Variants in GTF3C2 observed in about 807,000 individuals in gnomAD.
GTF3C2 encodes general transcription factor 3C polypeptide 2.
GTF3C2 carries 17 observed loss-of-function variants against 117.4 expected under a neutral mutation model. The observed-to-expected ratio is 0.14, with a 90% confidence interval of 0.10 to 0.22. GTF3C2 has a LOEUF of 0.22. Among genes scored for constraint, GTF3C2 ranks in the 10% least tolerant of loss-of-function variants. The pLI is 1.00. For synonymous variants in GTF3C2, 437 were observed against 427.0 expected (o/e 1.02, Z -0.29); for missense variants, 888 against 1,143.6 (o/e 0.78, Z 3.22).
Position 27,335,715 on chromosome 2 carries a change from TA to T in GTF3C2, c.1468-10del, listed in dbSNP as rs1343728555. The T allele has an allele frequency of 7.8e-6, 12 of 1,531,204 alleles. No individual in the cohort carries two copies. Among genetic ancestry groups the T allele is most frequent in the African/African-American group, 1.4e-5 (1 of 72,760 alleles). 94.9% of individuals were successfully genotyped at this position (1,531,204 alleles called of 1,614,324 possible). On this transcript the variant is annotated splice_polypyrimidine_tract_variant and intron_variant, in intron 9 of 18. Coordinates refer to ENST00000264720, the Ensembl canonical transcript of GTF3C2. ...CGGGGCAGGAGAGGAGCCTAAAGGG[TA>T]AAAGGTATGCTGAGGCTTGCTGCCT...
intron 4 of GTF3C2, chr2:27,340,251 CT>C (rs1680675702): frequency 6.6e-6 from 1 of 152,062 alleles, no homozygotes; most frequent in Non-Finnish European, 1.5e-5. Context: ...TTACATATCT[CT>C]TCTTTTTTTA....
intron 1 of GTF3C2, among the ~76,000 whole-genome samples, chr2:27,355,202 A>G (rs990286360): frequency 1.3e-5 from 2 of 152,210 alleles, no homozygotes; most frequent in Admixed American, 6.5e-5. Context: ...TTGGACATCC[A>G]TATGACTTTT....
At chr2:27,354,728 T>A (rs1681269947) in intron 1 of GTF3C2, among the ~76,000 whole-genome samples, 1 of 152,216 alleles carries the variant, frequency 6.6e-6, no homozygotes, top group Admixed American at 6.5e-5. Context: ...GCCACTGCAC[T>A]CCAGCCTGAG....
chr2:27,336,250 C>T, exon 8 of GTF3C2: 1 of 1,614,096 alleles, frequency 6.2e-7, no homozygotes, highest in African/African-American at 1.3e-5. Context: ...AGCCCAGGAC[C>T]CGAATGAAGC....
exon 19 of GTF3C2, chr2:27,326,730 G>C (rs1327319274): frequency 2.5e-6 from 4 of 1,614,104 alleles, no homozygotes; most frequent in Admixed American, 1.7e-5. Flanking sequence ...CCGTCTAGTG[G>C]GGGAGGATGG....
At chr2:27,328,625 TCATA>T in intron 15 of GTF3C2, 29 bp from the exon 16 acceptor site, 1 of 1,587,410 alleles carries the variant, frequency 6.3e-7, no homozygotes, top group Non-Finnish European at 8.6e-7. Flanking sequence ...TTTCATTCAT[TCATA>T]TATTCATTCA....
intron 1 of GTF3C2, among the ~76,000 whole-genome samples, chr2:27,351,307 A>C (rs1324444085): frequency 1.3e-5 from 2 of 151,368 alleles, no homozygotes; most frequent in Non-Finnish European, 3.0e-5. Flanking sequence ...CCAGCTACTC[A>C]GGAGGCTGAG....
chr2:27,326,957 C>T, intron 18 of GTF3C2, 64 bp from the exon 19 acceptor site: 1 of 1,015,014 alleles, frequency 9.9e-7, no homozygotes, highest in Non-Finnish European at 1.4e-6. Flanking sequence ...TGACTCCTAG[C>T]TGTATGAACA....
exon 19 of GTF3C2, chr2:27,326,589 G>T: frequency 6.1e-6 from 6 of 983,100 alleles, no homozygotes. Flanking sequence ...CACTGTCCAG[G>T]GAAGGCCCCC....
exon 19 of GTF3C2, chr2:27,326,837 T>A: frequency 1.2e-6 from 2 of 1,614,012 alleles, no homozygotes; most frequent in South Asian, 2.2e-5. Flanking sequence ...GAACCAGCCC[T>A]GACTGCCCCC....
chr2:27,326,567 G>C (rs878984154), exon 19 of GTF3C2: 2 of 794,530 alleles, frequency 2.5e-6, no homozygotes, highest in South Asian at 1.6e-5. Context: ...AAAGGTCCAG[G>C]CCTGGCATGA....
chr2:27,337,579 T>C, intron 5 of GTF3C2, 21 bp from the exon 6 acceptor site: 1 of 1,525,516 alleles, frequency 6.6e-7, no homozygotes, highest in Non-Finnish European at 9.1e-7. Flanking sequence ...AGAAGAAGCA[T>C]TAATGAAGGA....
intron 7 of GTF3C2, chr2:27,336,721 A>G (rs956885774): frequency 1.1e-4 from 36 of 340,678 alleles, no homozygotes; most frequent in Non-Finnish European, 1.7e-4. Context: ...TGGTTATCCC[A>G]CCTCAGCCTC....
chr2:27,331,214 G>A (rs1189096027), intron 12 of GTF3C2, among the ~76,000 whole-genome samples: 3 of 152,206 alleles, frequency 2.0e-5, no homozygotes, highest in African/African-American at 4.8e-5. Flanking sequence ...CCTTGACAAT[G>A]TAAGAATAAT....
rs146303694 is a variant in GTF3C2 at position 27,337,967 on chromosome 2, G to A, written c.909C>T (p.Ile303=). ...GGAGGCACTTCCAAACAGGAGCCAT[G>A]ATATGATTTGGTAAGCCATTGGGAG... Residue 303 remains isoleucine, a synonymous_variant, in exon 5 of 19, where the codon ATC becomes ATT. Transcript: ENST00000264720. 84 of 1,611,936 alleles carry A rather than the reference G, an allele frequency of 5.2e-5. No individual in the cohort carries two copies. In the African/African-American group the frequency reaches 1.0e-3, roughly 19 times the overall value.
chr2:27,329,606 CTTTGTCT>C lies in GTF3C2; in HGVS notation c.1733-90_1733-84del. 1 of 1,334,430 alleles carries C rather than the reference CTTTGTCT, an allele frequency of 7.5e-7. No individual in the cohort carries two copies. The highest frequency in any genetic ancestry group is 1.9e-5 in the Admixed American group (1 of 53,274). 82.7% of individuals were successfully genotyped at this position (1,334,430 alleles called of 1,614,324 possible). On this transcript the variant is annotated intron_variant, in intron 12 of 18. Transcript: ENST00000264720. This position sits in a 1 kb window ranked among gnomAD's most constrained non-coding sequence, Gnocchi z 4.5. ...ATTTCTTTCTCTGGGCTCCTAGGAC[CTTTGTCT>C]TCTACCCTCAGATCCAAACCACTAT...
chr2:27,348,397 G>GTTC (rs1171511219), intron 1 of GTF3C2, among the ~76,000 whole-genome samples: 1 of 149,950 alleles, frequency 6.7e-6, no homozygotes, highest in Non-Finnish European at 1.5e-5. Context: ...CAGAGATCGC[G>GTTC]TTCCTGCACT....
intron 1 of GTF3C2, among the ~76,000 whole-genome samples, chr2:27,344,914 G>A (rs1680866487): frequency 6.6e-6 from 1 of 152,052 alleles, no homozygotes; most frequent in African/African-American, 2.4e-5. Flanking sequence ...GAGCCTAGGA[G>A]TTCGAGGTTA....
chr2:27,344,294 G>T (rs1680842603), intron 1 of GTF3C2, among the ~76,000 whole-genome samples: 1 of 152,120 alleles, frequency 6.6e-6, no homozygotes, highest in Non-Finnish European at 1.5e-5. Context: ...AAAGTGCTGG[G>T]ATTACAGATA....
Sources: allele counts gnomAD v4.1 joint callset (sites outside exome capture counted in the v4.1 genomes callset), GRCh38; gene constraint gnomAD v4.1.1; non-coding constraint Gnocchi (gnomAD v3.1); transcripts MANE v1.5; gene names NCBI Gene and HGNC (gene_info 2026-07-23, HGNC 2026-07-21).